The following NPSR1 variants were observed in gnomAD, a reference collection of about 807,000 sequenced individuals.
NPSR1 encodes the protein neuropeptide S receptor 1, also known as neuropeptide S receptor.
Under a neutral mutation model 46.9 loss-of-function variants are expected in NPSR1, and 48 were observed. The observed-to-expected ratio is 1.02, with a 90% CI of 0.81 to 1.30. NPSR1 has a LOEUF of 1.30. NPSR1 is among the 50% of genes most tolerant of loss of function. The pLI is 0.00. For synonymous variants in NPSR1, 176 were observed against 168.1 expected, an observed-to-expected ratio of 1.05 and a Z score of -0.36; for missense variants, 450 against 449.5, an observed-to-expected ratio of 1.00 and a Z score of -0.01.
intron 2 of NPSR1, among the ~76,000 whole-genome samples, chr7:34,716,360 G>T (rs1476251648): frequency 1.3e-5 from 2 of 152,114 alleles, no homozygotes; most frequent in Non-Finnish European, 2.9e-5. Context: ...GAACATTATT[G>T]GGCAATCACT....
intron 1 of NPSR1, among the ~76,000 whole-genome samples, chr7:34,661,112 C>A (rs1791432565): frequency 6.6e-6 from 1 of 152,076 alleles, no homozygotes; most frequent in African/African-American, 2.4e-5. Flanking sequence ...TTCCAATTAC[C>A]AACATTTTGT....
At chr7:34,871,361 C>T (rs1261399298) in intron 8 of NPSR1, 1 of 151,836 alleles carries the variant, frequency 6.6e-6, no homozygotes, top group Non-Finnish European at 1.5e-5. Flanking sequence ...ACACAAACAT[C>T]TCCCACTAGG....
At chr7:34,825,578 A>G (rs1158308622) in intron 4 of NPSR1, among the ~76,000 whole-genome samples, 1 of 152,172 alleles carries the variant, frequency 6.6e-6, no homozygotes, top group Non-Finnish European at 1.5e-5. Context: ...TGCCCCAGAC[A>G]TTTCTGCCAG....
At chr7:34,792,859 G>C (rs941894705) in intron 3 of NPSR1, among the ~76,000 whole-genome samples, 1 of 145,326 alleles carries the variant, frequency 6.9e-6, no homozygotes, top group East Asian at 2.0e-4. Flanking sequence ...ACTTCAGCCT[G>C]GGCAACAGAG....
chr7:34,837,634 G>C (rs751266932), intron 6 of NPSR1, among the ~76,000 whole-genome samples: 4 of 152,206 alleles, frequency 2.6e-5, no homozygotes, highest in Non-Finnish European at 4.4e-5. Context: ...GTTATTAACT[G>C]TCTCTCACAG....
chr7:34,845,033 CA>C (rs1353428153), intron 7 of NPSR1, 51 bp downstream of exon 7: 1 of 1,274,694 alleles, frequency 7.8e-7, no homozygotes, highest in African/African-American at 1.5e-5. Context: ...GTCCCAAAAG[CA>C]AGTTTGCTCC....
chr7:34,817,568 A>G (rs1484438359), intron 4 of NPSR1, among the ~76,000 whole-genome samples: 7 of 115,140 alleles, frequency 6.1e-5, no homozygotes, highest in East Asian at 2.5e-4. Flanking sequence ...CTCATTTTAT[A>G]AGGCCAGCAT....
At chr7:34,750,092 A>G (rs1785438962) in intron 2 of NPSR1, among the ~76,000 whole-genome samples, 3 of 152,018 alleles carry the variant, frequency 2.0e-5, no homozygotes, top group Non-Finnish European at 1.5e-5. Flanking sequence ...AGGCTAATTT[A>G]AGAGAAAGGC....
At chr7:34,821,470 C>A (rs2128753755) in intron 4 of NPSR1, among the ~76,000 whole-genome samples, 1 of 152,174 alleles carries the variant, frequency 6.6e-6, no homozygotes, top group African/African-American at 2.4e-5. Context: ...GCCTAGCCGA[C>A]TTTAGAAAGG....
At chr7:34,790,733 A>ATATGTTC (rs1787718421) in intron 3 of NPSR1, among the ~76,000 whole-genome samples, 1 of 112,428 alleles carries the variant, frequency 8.9e-6, no homozygotes, top group African/African-American at 3.5e-5. Flanking sequence ...GTTATATGTT[A>ATATGTTC]TATGTTATAT....
intron 3 of NPSR1, among the ~76,000 whole-genome samples, chr7:34,807,065 T>G (rs1259007953): frequency 6.6e-6 from 1 of 152,164 alleles, no homozygotes; most frequent in Non-Finnish European, 1.5e-5. Flanking sequence ...GTGTAGAGTT[T>G]TCATTGTTGA....
intron 2 of NPSR1, among the ~76,000 whole-genome samples, chr7:34,716,229 A>G (rs1017917925): frequency 1.3e-5 from 2 of 152,162 alleles, no homozygotes; most frequent in African/African-American, 2.4e-5. Flanking sequence ...GATGACTATA[A>G]CAAAACACTG....
At chr7:34,848,687 C>T (rs764521024) in intron 8 of NPSR1, 24 bp downstream of exon 8, 1 of 1,602,262 alleles carries the variant, frequency 6.2e-7, no homozygotes, top group Non-Finnish European at 8.5e-7. Context: ...TTGCATGGGT[C>T]AGACACACTG....
At chr7:34,842,113 A>C (rs10280995) in intron 6 of NPSR1, among the ~76,000 whole-genome samples, 47,881 of 152,138 alleles carry the variant, frequency 0.31, 7,874 homozygotes, top group Middle Eastern at 0.41. Flanking sequence ...TCCAACATCC[A>C]AGCTTGGGGC....
chr7:34,759,599 T>A (rs1283737398), intron 2 of NPSR1, among the ~76,000 whole-genome samples: 7 of 151,544 alleles, frequency 4.6e-5, no homozygotes, highest in Admixed American at 4.6e-4. Flanking sequence ...GAATCAGCCA[T>A]CTCCAATGAG....
At chr7:34,770,488 C>T (rs1786629137) in intron 2 of NPSR1, among the ~76,000 whole-genome samples, 1 of 152,116 alleles carries the variant, frequency 6.6e-6, no homozygotes, top group Non-Finnish European at 1.5e-5. Context: ...AGGCGAAAGA[C>T]TCAGAGGGTC....
chr7:34,662,643 G>A (rs147044297), intron 1 of NPSR1, among the ~76,000 whole-genome samples: 224 of 152,248 alleles, frequency 1.5e-3, no homozygotes, highest in African/African-American at 5.1e-3. Flanking sequence ...TACTGTGGCT[G>A]CTCCTAAGGA....
At chr7:34,749,747 C>A (rs747714788) in intron 2 of NPSR1, among the ~76,000 whole-genome samples, 1 of 152,194 alleles carries the variant, frequency 6.6e-6, no homozygotes, top group East Asian at 1.9e-4. Context: ...AGTTCAATTT[C>A]GTATCCTTAG....
Position 34,790,846 on chromosome 7 carries a change from T to TTATATGTTATGTTATATATAG in NPSR1, c.384+12281_384+12282insTATATGTTATGTTATATATAG, listed in dbSNP as rs1562729646. Among the ~76,000 whole-genome samples the TTATATGTTATGTTATATATAG allele has an allele frequency of 1.8e-3, 194 of 104,994 alleles. 16 individuals carry two copies. Among genetic ancestry groups the TTATATGTTATGTTATATATAG allele is most frequent in the African/African-American group, 6.8e-3 (183 of 26,944 alleles). 68.9% of individuals were successfully genotyped at this position (104,994 alleles called of 152,430 possible). On this transcript the variant is annotated intron_variant, in intron 3 of 8. Coordinates refer to ENST00000360581, the MANE Select transcript of NPSR1 (RefSeq NM_207172.2). ...TAGGTTATATGTTATGTTATATATA[T>TTATATGTTATGTTATATATAG]GTTATATGTTATGTTATATATGTTA...
Sources: allele counts gnomAD v4.1 joint callset (sites outside exome capture counted in the v4.1 genomes callset), GRCh38; gene constraint gnomAD v4.1.1; transcripts MANE v1.5; gene names NCBI Gene and HGNC (gene_info 2026-07-23, HGNC 2026-07-21).